Variants in DACT2 observed in about 807,000 individuals in gnomAD.
DACT2 encodes the protein dapper homolog 2.
In DACT2, 20 loss-of-function variants were observed where a neutral mutation model predicts 22.2. That is an observed-to-expected ratio of 0.90 (90% CI 0.63 to 1.31). The LOEUF is 1.31. DACT2 is among the 50% of genes most tolerant of loss of function. The pLI, the probability that DACT2 is intolerant of heterozygous loss-of-function variation, is 0.00. For missense variants in DACT2, 1,048 were observed against 1,061.4 expected, an observed-to-expected ratio of 0.99 and a Z score of 0.18; for synonymous variants, 463 against 479.8, an observed-to-expected ratio of 0.96 and a Z score of 0.46.
At chr6:168,293,730 C>T in exon 6 of DACT2, 1 of 642,020 alleles carries the variant, frequency 1.6e-6, no homozygotes, top group South Asian at 1.8e-5. Context: ...TTTCTGGACA[C>T]TTCTCTGCAG....
intron 3 of DACT2, among the ~76,000 whole-genome samples, chr6:168,301,152 G>A (rs569582519): frequency 2.3e-4 from 35 of 152,322 alleles, no homozygotes; most frequent in South Asian, 1.2e-3. Flanking sequence ...CGGGGCCTCC[G>A]GAGGCCGAGC....
chr6:168,299,034 T>C (rs1285116458), intron 3 of DACT2: 1 of 152,216 alleles, frequency 6.6e-6, no homozygotes, highest in African/African-American at 2.4e-5. Context: ...CTCACAACTA[T>C]GCTATAAATC....
At chr6:168,312,826 C>G (rs965454449) in intron 1 of DACT2, among the ~76,000 whole-genome samples, 1 of 152,172 alleles carries the variant, frequency 6.6e-6, no homozygotes, top group Non-Finnish European at 1.5e-5. Flanking sequence ...TATGAGAAAT[C>G]ATTACAAGAG....
At position 168,319,650 on chromosome 6, in the gene DACT2, C is replaced by T. The variant is rs1779600220; in HGVS notation, c.-17G>A. The T allele has an allele frequency of 4.9e-6, 6 of 1,234,276 alleles. No individual in the cohort carries two copies. The South Asian group carries it at 8.8e-5, about 18-fold the overall frequency. The allele number at this position is 1,234,276 out of a possible 1,614,324, so 76.5% of individuals were successfully genotyped here. A position where few individuals can be genotyped will look rare whatever the true frequency, so the allele number is the denominator to read the frequency against. The stretch of plus-strand genomic sequence containing the variant: ...CGTCCACATCTCCCGGGCAGGGTCC[C>T]GGCCTCCCGAACCCCACGAGCGGCG... On this transcript the variant is annotated 5_prime_UTR_variant, in exon 1 of 4. Coordinates refer to ENST00000366795, the MANE Select transcript of DACT2 (RefSeq NM_214462.5).
chr6:168,302,323 G>A (rs911114489), downstream of DACT2, among the ~76,000 whole-genome samples: 3 of 151,194 alleles, frequency 2.0e-5, no homozygotes, highest in African/African-American at 7.4e-5. Context: ...GTCCCCAAAT[G>A]TGTAAGGAAT....
At chr6:168,301,003 AAAC>A (rs1477784891) in intron 3 of DACT2, among the ~76,000 whole-genome samples, 8 of 151,658 alleles carry the variant, frequency 5.3e-5, no homozygotes, top group African/African-American at 1.7e-4. Flanking sequence ...ACAAACAAAC[AAAC>A]AAAAAAACAA....
chr6:168,312,996 A>C (rs574582207), intron 1 of DACT2, among the ~76,000 whole-genome samples: 1 of 152,314 alleles, frequency 6.6e-6, no homozygotes, highest in East Asian at 1.9e-4. Flanking sequence ...CCAGGACCCA[A>C]CTCAGGGGCC....
chr6:168,306,227 G>A (rs766881898), downstream of DACT2, among the ~76,000 whole-genome samples: 18 of 152,138 alleles, frequency 1.2e-4, no homozygotes, highest in East Asian at 7.7e-4. Flanking sequence ...GGACGTCTGC[G>A]GGGACTTCAA....
At chr6:168,318,427 G>A (rs1779565943) in intron 1 of DACT2, among the ~76,000 whole-genome samples, 1 of 152,222 alleles carries the variant, frequency 6.6e-6, no homozygotes, top group South Asian at 2.1e-4. Context: ...GAGCGAGCGA[G>A]GCAGACGGTC....
chr6:168,309,255 A>C (rs111774363), intron 3 of DACT2, among the ~76,000 whole-genome samples, 157 bp from the exon 4 acceptor site: 72 of 152,108 alleles, frequency 4.7e-4, no homozygotes, highest in African/African-American at 1.6e-3. Context: ...ACAGTCACTG[A>C]GGTCCGCGTG....
chr6:168,318,037 A>G (rs866876447), intron 1 of DACT2, among the ~76,000 whole-genome samples: 16 of 109,024 alleles, frequency 1.5e-4, no homozygotes, highest in African/African-American at 1.9e-4. Flanking sequence ...GTCACGCAGA[A>G]GCTGCGATTG....
rs912842538 is a variant in DACT2, at chr6:168,308,545, C to T, written c.1212G>A (p.Gln404=). 3.2e-6 allele frequency: 5 copies of T among 1,550,540 alleles called. No homozygotes were observed. Among genetic ancestry groups the T allele is most frequent in the Admixed American group, 3.9e-5 (2 of 50,998 alleles). ...QSRGAGRGGP[Q]QQGYMPLEGP... ...CCTCAAGGGGCATGTATCCCTGCTG[C>T]TGGGGCCCGCCCCTGCCGGCACCCC... Residue 404 remains glutamine (Q), a synonymous_variant, in exon 4 of 4, where the codon CAG becomes CAA. Coordinates refer to ENST00000366795, the MANE Select transcript of DACT2 (RefSeq NM_214462.5).
rs1274780924 is a variant in DACT2 at position 168,308,103 on chromosome 6, G to T, written c.1654C>A (p.Leu552Met). The T allele has an allele frequency of 6.5e-7, 1 of 1,546,380 alleles. No individual in the cohort carries two copies. The highest frequency in any genetic ancestry group is 8.7e-7 in the Non-Finnish European group (1 of 1,144,270). ...GRGGLQRRPALAWEAPGRSCS... is the reference protein window; with the variant it reads ...GRGGLQRRPAMAWEAPGRSCS... ...GAGCGCCCGGGTGCCTCCCAGGCCA[G>T]GGCTGGCCTCCGCTGGAGCCCGCCC... The change falls in exon 4 of 4, where the codon CTG (leucine) becomes ATG (methionine). Residue 552 changes from leucine to methionine, a missense_variant. Transcript: ENST00000366795.
intron 3 of DACT2, among the ~76,000 whole-genome samples, chr6:168,301,439 G>A (rs1779101728): frequency 1.3e-5 from 2 of 152,224 alleles, no homozygotes; most frequent in Admixed American, 1.3e-4. Flanking sequence ...GCAATACACA[G>A]CCCAGGAGGC....
At chr6:168,311,550 A>AC (rs1562498391) in intron 1 of DACT2, among the ~76,000 whole-genome samples, 1 of 89,976 alleles carries the variant, frequency 1.1e-5, no homozygotes, top group East Asian at 4.1e-4. Flanking sequence ...CCACACACAC[A>AC]TACACACACT....
In DACT2 at chr6:168,310,234, G is replaced by A. The variant is rs115289777; in HGVS notation, c.592C>T (p.Pro198Ser). Residue 198 changes from proline to serine, a missense_variant, in exon 3 of 4, where the codon CCC becomes TCC. By Grantham distance (74) the Pro-to-Ser change is moderately conservative. Coordinates refer to ENST00000366795, the MANE Select transcript of DACT2 (RefSeq NM_214462.5). Reference sequence around the variant, plus strand: ...CCTGCATCCTCCACGCTCCCTGGGGGCCTGGCGCCCTCCTCGGTAGCCTGG... The same window carrying A: ...CCTGCATCCTCCACGCTCCCTGGGGACCTGGCGCCCTCCTCGGTAGCCTGG... Reference protein sequence around the residue: ...RPQATEEGARPPGSVEDAGQP... With the variant: ...RPQATEEGARSPGSVEDAGQP... 10,595 of 1,551,088 alleles carry A rather than the reference G, an allele frequency of 6.8e-3. 634 individuals carry two copies. In the African/African-American group the frequency reaches 0.13, roughly 19 times the overall value.
intron 3 of DACT2, among the ~76,000 whole-genome samples, chr6:168,296,677 GCAAAA>G (rs1397737510): frequency 2.0e-5 from 3 of 152,230 alleles, no homozygotes; most frequent in Non-Finnish European, 4.4e-5. Flanking sequence ...GCACCTCCAG[GCAAAA>G]GGCAAAGATG....
rs924509154 is a variant in DACT2 at position 168,294,005 on chromosome 6, G to A, written c.796-64C>T. On this transcript the variant is annotated intron_variant, in intron 5 of 5. Transcript: ENST00000366796. Reference sequence around the variant, plus strand: ...TGAGTAGAGGAGGTCCATCCAACACGCACGTCTGCTACTGCTCTTTGCCTC... The same window carrying A: ...TGAGTAGAGGAGGTCCATCCAACACACACGTCTGCTACTGCTCTTTGCCTC... 3.3e-5 allele frequency: 23 copies of A among 703,024 alleles called. No homozygotes were observed. The African/African-American group carries it at 3.7e-4, about 11-fold the overall frequency. 43.5% of individuals were successfully genotyped at this position (703,024 alleles called of 1,614,324 possible).
downstream of DACT2, among the ~76,000 whole-genome samples, chr6:168,304,779 C>T (rs1779171004): frequency 1.3e-5 from 2 of 152,304 alleles, no homozygotes; most frequent in Middle Eastern, 3.4e-3. Flanking sequence ...TATGAGGAGG[C>T]CAGGCGGGAT....
Sources: allele counts gnomAD v4.1 joint callset (sites outside exome capture counted in the v4.1 genomes callset), GRCh38; gene constraint gnomAD v4.1.1; transcripts MANE v1.5; gene names NCBI Gene and HGNC (gene_info 2026-07-23, HGNC 2026-07-21).